Variants in PPP1CC observed in about 807,000 individuals in gnomAD.
PPP1CC encodes protein phosphatase 1 catalytic subunit gamma.
A neutral mutation model predicts 38.4 loss-of-function variants in PPP1CC; 16 were observed. The ratio of observed to expected loss-of-function variants is 0.42; its 90% CI spans 0.28 to 0.63. The LOEUF (loss-of-function observed/expected upper bound fraction) is 0.63, where lower values mean the gene tolerates loss of function less well. PPP1CC is among the 30% of genes least tolerant of loss of function. The probability of loss-of-function intolerance (pLI) is 0.25; values close to 1 mark genes in which losing one functional copy is unlikely to be tolerated. For missense variants in PPP1CC, 170 were observed against 391.3 expected (o/e 0.43, Z 4.77); for synonymous variants, 158 against 136.0 (o/e 1.16, Z -1.13).
rs2069720377 is a variant in PPP1CC at position 110,720,064 on chromosome 12, CTTTGT to C, written c.*1007_*1011del. 25 of 1,374,038 alleles carry C rather than the reference CTTTGT, an allele frequency of 1.8e-5. No individual in the cohort carries two copies. The highest frequency in any genetic ancestry group is 2.4e-5 in the Non-Finnish European group (24 of 1,007,592). The allele number at this position is 1,374,038 out of a possible 1,614,324, so 85.1% of individuals were successfully genotyped here. A position where few individuals can be genotyped will look rare whatever the true frequency, so the allele number is the denominator to read the frequency against. On this transcript the variant is annotated 3_prime_UTR_variant, in exon 7 of 7. Transcript: ENST00000335007. Reference sequence around the variant, plus strand: ...AAACTGGTGGACAGTAAGTTAGTTCCTTTGTTTTAACTTATAAGCCTCAACTTCAC... The same window carrying C: ...AAACTGGTGGACAGTAAGTTAGTTCCTTTAACTTATAAGCCTCAACTTCAC...
intron 1 of PPP1CC, among the ~76,000 whole-genome samples, chr12:110,735,371 C>T (rs374920285): frequency 2.0e-5 from 3 of 152,170 alleles, no homozygotes; most frequent in African/African-American, 7.2e-5. Context: ...TGTCATCTCC[C>T]ATTTTACAGT....
chr12:110,727,210 C>CA (rs1464536790), intron 3 of PPP1CC, among the ~76,000 whole-genome samples: 1 of 152,200 alleles, frequency 6.6e-6, no homozygotes, highest in African/African-American at 2.4e-5. Flanking sequence ...CTTGGCCTCC[C>CA]AAAGTGCTGG....
chr12:110,736,407 G>A lies in PPP1CC; in HGVS notation c.56-4506C>T, dbSNP rs559678573. On this transcript the variant is annotated intron_variant, in intron 1 of 6. Coordinates refer to ENST00000335007, the MANE Select transcript of PPP1CC (RefSeq NM_002710.4). ...GCCTATAATCCCAGCACTTTGGGAG[G>A]CCGAGGTGGGAGGATCACTTGAGCT... Among the ~76,000 whole-genome samples the A allele has an allele frequency of 3.9e-5, 6 of 152,292 alleles. No individual in the cohort carries two copies. In the South Asian group the frequency reaches 1.2e-3, roughly 32 times the overall value.
chr12:110,709,180 G>A, the PPP1CC span, among the ~76,000 whole-genome samples: 1 of 151,580 alleles, frequency 6.6e-6, no homozygotes, highest in South Asian at 2.1e-4. Flanking sequence ...TCAGATATTG[G>A]AATAATCAGA....
At chr12:110,730,401 A>G in intron 3 of PPP1CC, 128 bp downstream of exon 3, 1 of 805,472 alleles carries the variant, frequency 1.2e-6, no homozygotes, top group East Asian at 2.7e-5. Context: ...AGTTGATGAA[A>G]TAGAAAACAT....
At chr12:110,715,837 T>C (rs771693838), downstream of PPP1CC, among the ~76,000 whole-genome samples, 44 of 151,028 alleles carry the variant, frequency 2.9e-4, no homozygotes, top group Non-Finnish European at 4.1e-4. Flanking sequence ...CCCAGTCTGG[T>C]CTTGAACTCC....
intron 1 of PPP1CC, among the ~76,000 whole-genome samples, chr12:110,741,234 A>G (rs571385385): frequency 1.3e-5 from 2 of 152,200 alleles, no homozygotes; most frequent in Admixed American, 1.3e-4. Context: ...AAGAATGCAC[A>G]GATTAAGAAA....
At chr12:110,714,636 G>A in the PPP1CC span, among the ~76,000 whole-genome samples, 144 of 151,308 alleles carry the variant, frequency 9.5e-4, no homozygotes, top group Non-Finnish European at 1.5e-3. Context: ...GTAAAACCCC[G>A]TCTCTGCTAA....
intron 1 of PPP1CC, among the ~76,000 whole-genome samples, chr12:110,740,868 A>G (rs1201672178): frequency 6.6e-6 from 1 of 152,224 alleles, no homozygotes; most frequent in African/African-American, 2.4e-5. Flanking sequence ...TTTCTAATCC[A>G]TGCAAATTCC....
intron 3 of PPP1CC, among the ~76,000 whole-genome samples, chr12:110,729,490 G>A (rs907769827): frequency 5.9e-5 from 9 of 152,178 alleles, no homozygotes; most frequent in South Asian, 4.1e-4. Flanking sequence ...ACTGTGCCCA[G>A]CCTATTTTCA....
At chr12:110,729,460 TG>T (rs2069847338) in intron 3 of PPP1CC, among the ~76,000 whole-genome samples, 1 of 152,234 alleles carries the variant, frequency 6.6e-6, no homozygotes, top group African/African-American at 2.4e-5. Flanking sequence ...CCCAAAGTGC[TG>T]GGATTACAGG....
intron 1 of PPP1CC, among the ~76,000 whole-genome samples, chr12:110,733,441 G>T (rs981290304): frequency 2.0e-5 from 3 of 152,096 alleles, no homozygotes; most frequent in South Asian, 2.1e-4. Flanking sequence ...ATTGCAGTTA[G>T]TCAATGCCAT....
At chr12:110,713,702 G>A in the PPP1CC span, among the ~76,000 whole-genome samples, 11 of 152,114 alleles carry the variant, frequency 7.2e-5, no homozygotes, top group African/African-American at 2.7e-4. Flanking sequence ...CATTTTACAT[G>A]AGGCCTCCAA....
chr12:110,717,032 A>G (rs1312416369), downstream of PPP1CC, among the ~76,000 whole-genome samples: 3 of 152,212 alleles, frequency 2.0e-5, no homozygotes, highest in Non-Finnish European at 4.4e-5. Context: ...GCCTGGCCCA[A>G]GTTTTCCTAA....
At chr12:110,710,714 T>C in the PPP1CC span, among the ~76,000 whole-genome samples, 1 of 73,454 alleles carries the variant, frequency 1.4e-5, no homozygotes, top group Non-Finnish European at 2.3e-5. Context: ...TGAGACTCTG[T>C]CTCAAAAAAA....
chr12:110,711,485 G>A, the PPP1CC span, among the ~76,000 whole-genome samples: 1 of 152,140 alleles, frequency 6.6e-6, no homozygotes, highest in African/African-American at 2.4e-5. Context: ...TCAAGATCAT[G>A]GTTAACTCTC....
chr12:110,732,777 C>T (rs1276014525), intron 1 of PPP1CC: 1 of 152,198 alleles, frequency 6.6e-6, no homozygotes, highest in Non-Finnish European at 1.5e-5. Flanking sequence ...TAGGGTTCTT[C>T]TATCAAAGTA....
chr12:110,714,855 T>A (rs541071903), downstream of PPP1CC, among the ~76,000 whole-genome samples: 6 of 144,210 alleles, frequency 4.2e-5, no homozygotes, highest in East Asian at 1.2e-3. Context: ...GATTTCATTA[T>A]GGTAAACTAA....
intron 1 of PPP1CC, 58 bp from the exon 2 acceptor site, chr12:110,731,959 G>T (rs1360288233): frequency 6.4e-7 from 1 of 1,573,754 alleles, no homozygotes; most frequent in African/African-American, 1.4e-5. Flanking sequence ...TACAATACGA[G>T]ATTTAGATAA....
Sources: gnomAD v4.1 joint callset for allele counts (sites outside exome capture counted in the v4.1 genomes callset) on GRCh38, gnomAD v4.1.1 for gene constraint, MANE v1.5 for transcripts, NCBI Gene and HGNC (gene_info 2026-07-23, HGNC 2026-07-21) for gene names.